Variants in TEAD4 observed in about 807,000 individuals in gnomAD.
TEAD4 encodes the protein TEA domain transcription factor 4, also known as transcriptional enhancer factor TEF-3.
TEAD4 carries 36 observed loss-of-function variants against 52.4 expected under a neutral mutation model. The observed-to-expected ratio is 0.69, with a 90% CI of 0.53 to 0.91. The LOEUF is 0.91. Among genes scored for constraint, TEAD4 ranks in the 40% least tolerant of loss-of-function variants. The probability of loss-of-function intolerance (pLI) is 0.00; values close to 1 mark genes in which losing one functional copy is unlikely to be tolerated. For synonymous variants in TEAD4, 220 were observed against 231.0 expected (o/e 0.95, Z 0.43); for missense variants, 508 against 583.9 (o/e 0.87, Z 1.34).
rs2098244613 is a variant in TEAD4, at chr12:2,993,265, C to G, written c.-29-1473C>G. Among the ~76,000 whole-genome samples the G allele has an allele frequency of 3.3e-5, 5 of 152,150 alleles. No individual in the cohort carries two copies. In the South Asian group the frequency reaches 1.0e-3, roughly 32 times the overall value. On this transcript the variant is annotated intron_variant, in intron 2 of 12. Transcript: ENST00000359864. The stretch of plus-strand genomic sequence containing the variant: ...TACCTGTCAAGTCACAACTCTGTGT[C>G]TTTCTCCCACGAGCTCCTGGTAACC...
chr12:3,023,361 C>G (rs531431417), intron 10 of TEAD4, among the ~76,000 whole-genome samples: 2 of 152,270 alleles, frequency 1.3e-5, no homozygotes, highest in South Asian at 4.1e-4. Context: ...AGGTCTTGAT[C>G]ATACTAAAGT....
intron 3 of TEAD4, 92 bp downstream of exon 3, chr12:2,995,084 G>A (rs1233992228): frequency 6.8e-7 from 1 of 1,472,078 alleles, no homozygotes; most frequent in African/African-American, 1.4e-5. Context: ...CACAGAAGGG[G>A]ATGACCACTT....
intron 10 of TEAD4, 53 bp from the exon 11 acceptor site, chr12:3,037,915 G>C (rs1021840520): frequency 4.4e-6 from 7 of 1,578,864 alleles, no homozygotes; most frequent in Non-Finnish European, 6.0e-6. Flanking sequence ...TGATGCTCCC[G>C]TCTGACATGG....
intron 2 of TEAD4, among the ~76,000 whole-genome samples, chr12:2,972,701 A>G (rs908793898): frequency 1.3e-5 from 2 of 151,610 alleles, no homozygotes. Context: ...GGGTTTCTCC[A>G]TGTTGGTCAG....
intron 2 of TEAD4, among the ~76,000 whole-genome samples, chr12:2,978,698 C>G (rs1038579416): frequency 3.3e-5 from 5 of 152,114 alleles, no homozygotes; most frequent in Admixed American, 2.6e-4. Context: ...ACCACTGCGC[C>G]TGACAATGAC....
chr12:3,021,863 T>G lies in TEAD4; in HGVS notation c.743T>G (p.Val248Gly). ...CCACAGTACAACAAGCACCTGTTCGTGCACATTGGCCAGTCCAGCCCAAGC... is the reference window on the plus strand; with the variant it reads ...CCACAGTACAACAAGCACCTGTTCGGGCACATTGGCCAGTCCAGCCCAAGC... The change falls in exon 10 of 13, where the codon GTG (valine) becomes GGG (glycine). Residue 248 changes from valine (V) to glycine (G), a missense_variant. Val to Gly is a moderately radical substitution (Grantham distance 109). Transcript: ENST00000359864. The G allele has an allele frequency of 6.2e-7, 1 of 1,614,218 alleles. No homozygotes were observed. Among genetic ancestry groups the G allele is most frequent in the Non-Finnish European group, 8.5e-7 (1 of 1,180,048 alleles).
At chr12:3,001,643 GGT>G in intron 3 of TEAD4, among the ~76,000 whole-genome samples, 1 of 152,056 alleles carries the variant, frequency 6.6e-6, no homozygotes, top group East Asian at 1.9e-4. Context: ...CGGGTGTGGT[GGT>G]GTGCATCTGT....
At chr12:2,999,712 ACCT>A (rs200631487) in intron 3 of TEAD4, among the ~76,000 whole-genome samples, 1,996 of 151,512 alleles carry the variant, frequency 0.013, 44 homozygotes, top group African/African-American at 0.045. Flanking sequence ...GGCCACCCTG[ACCT>A]CCTTTGGCCA....
At chr12:2,998,929 A>T (rs1052358398) in intron 3 of TEAD4, among the ~76,000 whole-genome samples, 1 of 152,128 alleles carries the variant, frequency 6.6e-6, no homozygotes, top group Admixed American at 6.5e-5. Flanking sequence ...CCTGTCCTGC[A>T]TGAGAATAGG....
At chr12:2,975,227 CTT>C (rs2098228570) in intron 2 of TEAD4, among the ~76,000 whole-genome samples, 1 of 149,244 alleles carries the variant, frequency 6.7e-6, no homozygotes, top group Admixed American at 6.7e-5. Context: ...TTATAGAAAA[CTT>C]GAGCAGAAAG....
intron 4 of TEAD4, among the ~76,000 whole-genome samples, chr12:3,011,850 G>A (rs1466599323): frequency 1.3e-5 from 2 of 151,872 alleles, no homozygotes; most frequent in African/African-American, 4.8e-5. Context: ...ATTTTTAGTA[G>A]AAATGGAGTT....
At chr12:2,974,061 G>C (rs1054063600) in intron 2 of TEAD4, among the ~76,000 whole-genome samples, 3 of 152,152 alleles carry the variant, frequency 2.0e-5, no homozygotes, top group Admixed American at 6.5e-5. Context: ...AGACCGGAGT[G>C]TAGTGTCACG....
intron 10 of TEAD4, among the ~76,000 whole-genome samples, chr12:3,024,699 G>GA (rs1476276055): frequency 6.6e-6 from 1 of 152,082 alleles, no homozygotes; most frequent in Non-Finnish European, 1.5e-5. Context: ...AAAGAGTCAA[G>GA]AAGGGTATTA....
chr12:2,995,246 T>G (rs1236757770), intron 3 of TEAD4, among the ~76,000 whole-genome samples: 1 of 151,946 alleles, frequency 6.6e-6, no homozygotes, highest in Non-Finnish European at 1.5e-5. Flanking sequence ...CGAATCTGGG[T>G]GGGGTAGAAC....
chr12:3,002,177 G>A (rs1345277119), intron 3 of TEAD4, among the ~76,000 whole-genome samples: 3 of 152,242 alleles, frequency 2.0e-5, no homozygotes, highest in African/African-American at 7.2e-5. Context: ...GTTCATCCAT[G>A]TTGTAGCGTG....
chr12:3,025,130 G>A (rs1157754340), intron 10 of TEAD4, among the ~76,000 whole-genome samples: 2 of 152,100 alleles, frequency 1.3e-5, no homozygotes, highest in Admixed American at 6.5e-5. Context: ...TTTTTGTAGA[G>A]ACAAGGTTTC....
At chr12:3,015,535 TCTGAGCCTCC>T (rs1425203131) in intron 5 of TEAD4, among the ~76,000 whole-genome samples, 5 of 152,354 alleles carry the variant, frequency 3.3e-5, no homozygotes, top group South Asian at 2.1e-4. Flanking sequence ...ACTGAGCCTC[TCTGAGCCTCC>T]CTGAGCCTCC....
intron 5 of TEAD4, chr12:3,017,076 T>C: frequency 2.0e-6 from 1 of 501,582 alleles, no homozygotes; most frequent in South Asian, 1.5e-5. Context: ...GGTGCTGAGC[T>C]AGGCACCTGT....
chr12:2,974,030 C>T (rs377500499), intron 2 of TEAD4, among the ~76,000 whole-genome samples: 1 of 152,034 alleles, frequency 6.6e-6, no homozygotes, highest in Non-Finnish European at 1.5e-5. Context: ...TTTTCTGAGA[C>T]GGAGTCTCAC....
Sources: allele counts gnomAD v4.1 joint callset (sites outside exome capture counted in the v4.1 genomes callset), GRCh38; gene constraint gnomAD v4.1.1; transcripts MANE v1.5; gene names NCBI Gene and HGNC (gene_info 2026-07-23, HGNC 2026-07-21).